The following CFAP299 variants were observed in gnomAD, a reference collection of about 807,000 sequenced individuals.
CFAP299 encodes cilia and flagella associated protein 299, also known as cilia- and flagella-associated protein 299.
In CFAP299, 21 loss-of-function variants were observed where a neutral mutation model predicts 27.0. The ratio of observed to expected loss-of-function variants is 0.78; its 90% confidence interval spans 0.55 to 1.12. The LOEUF is 1.12. Ranked by LOEUF, CFAP299 falls within the 50% of genes most tolerant of loss-of-function variation. The pLI is 0.00. For missense variants in CFAP299, 310 were observed against 276.6 expected, an observed-to-expected ratio of 1.12 and a Z score of -0.86; for synonymous variants, 104 against 98.1, an observed-to-expected ratio of 1.06 and a Z score of -0.36.
At chr4:80,456,520 GA>G (rs909039891) in intron 2 of CFAP299, among the ~76,000 whole-genome samples, 5 of 152,238 alleles carry the variant, frequency 3.3e-5, no homozygotes, top group African/African-American at 1.2e-4. Flanking sequence ...AGAACAGGAA[GA>G]ATTTTCTGAT....
chr4:80,646,984 AGAGAGTGTGTGTGTGT>A lies in CFAP299; in HGVS notation c.333+63803_333+63818del, dbSNP rs1178475958. The stretch of plus-strand genomic sequence containing the variant: ...CCAATTCTTTGAGAGAGAGAGAGAG[AGAGAGTGTGTGTGTGT>A]GTGTGTGTGTGTGTGTGTATTTTAA... On this transcript the variant is annotated intron_variant, in intron 3 of 5. Transcript: ENST00000358105. Among the ~76,000 whole-genome samples the A allele has an allele frequency of 7.9e-4, 115 of 145,022 alleles. 3 individuals carry two copies. The highest frequency in any genetic ancestry group is 1.5e-3 in the Non-Finnish European group (100 of 65,902).
rs1735412088 is a variant in CFAP299 at position 80,568,281 on chromosome 4, T to A, written c.243-14812T>A. Among the ~76,000 whole-genome samples the A allele has an allele frequency of 2.6e-5, 4 of 152,156 alleles. No individual in the cohort carries two copies. The South Asian group carries it at 8.3e-4, about 32-fold the overall frequency. On this transcript the variant is annotated intron_variant, in intron 2 of 5. Transcript: ENST00000358105. ...GAAGCTTCTACATCAAAATTTAAAC[T>A]TAGAATTGAATAAGTTGTGATTAGA...
intron 2 of CFAP299, among the ~76,000 whole-genome samples, chr4:80,544,012 A>G (rs1379610197): frequency 2.0e-5 from 3 of 152,238 alleles, no homozygotes; most frequent in African/African-American, 7.2e-5. Flanking sequence ...ATGTTTCAGT[A>G]GAAACATTAC....
chr4:80,743,429 T>G (rs1724399216), intron 3 of CFAP299, among the ~76,000 whole-genome samples: 1 of 152,094 alleles, frequency 6.6e-6, no homozygotes, highest in Non-Finnish European at 1.5e-5. Flanking sequence ...GCTTTTGACA[T>G]CTGATAAAAT....
chr4:80,534,376 A>G (rs1733626376), intron 2 of CFAP299, among the ~76,000 whole-genome samples: 1 of 150,886 alleles, frequency 6.6e-6, no homozygotes, highest in South Asian at 2.1e-4. Context: ...TGTAAAGTTT[A>G]GATAACTTTT....
chr4:80,385,930 T>C (rs1385674204), intron 2 of CFAP299, among the ~76,000 whole-genome samples: 1 of 152,216 alleles, frequency 6.6e-6, no homozygotes, highest in African/African-American at 2.4e-5. Flanking sequence ...ATCTCTCTCT[T>C]GCCGTGGCTC....
intron 4 of CFAP299, among the ~76,000 whole-genome samples, chr4:80,935,128 G>A (rs1407932844): frequency 3.3e-5 from 5 of 151,864 alleles, no homozygotes; most frequent in Admixed American, 3.3e-4. Flanking sequence ...TCCTTGACCT[G>A]TTGGTTGGTT....
chr4:80,629,088 G>A (rs555487074), intron 3 of CFAP299, among the ~76,000 whole-genome samples: 7 of 152,212 alleles, frequency 4.6e-5, no homozygotes, highest in Non-Finnish European at 7.4e-5. Context: ...TACTGAATGA[G>A]TGGATTAAAA....
chr4:80,472,716 T>C (rs1578484337), intron 2 of CFAP299, among the ~76,000 whole-genome samples: 1 of 152,148 alleles, frequency 6.6e-6, no homozygotes, highest in East Asian at 1.9e-4. Flanking sequence ...TTTTCACTTA[T>C]CACCCTCCCC....
chr4:80,688,333 C>A (rs1720374450), intron 3 of CFAP299, among the ~76,000 whole-genome samples: 1 of 152,160 alleles, frequency 6.6e-6, no homozygotes, highest in African/African-American at 2.4e-5. Flanking sequence ...CAGCATGCAG[C>A]TGGAGATCTG....
At chr4:80,623,305 C>G (rs954140366) in intron 3 of CFAP299, among the ~76,000 whole-genome samples, 11 of 151,844 alleles carry the variant, frequency 7.2e-5, no homozygotes, top group African/African-American at 2.7e-4. Context: ...AAGAATATGT[C>G]CAAGATAAAA....
intron 2 of CFAP299, among the ~76,000 whole-genome samples, chr4:80,481,585 T>C (rs1006737067): frequency 3.3e-5 from 5 of 152,062 alleles, no homozygotes; most frequent in African/African-American, 1.2e-4. Context: ...CAAATGCTGA[T>C]AAAATTTTAA....
At chr4:80,621,069 T>C (rs1023653532) in intron 3 of CFAP299, among the ~76,000 whole-genome samples, 1 of 152,098 alleles carries the variant, frequency 6.6e-6, no homozygotes, top group Non-Finnish European at 1.5e-5. Context: ...CTATCATTAA[T>C]AGATTCCCAG....
Position 80,891,308 on chromosome 4 carries a change from T to G in CFAP299, c.476+21173T>G, listed in dbSNP as rs190979834. ...AGCCAGTTTTCCCAGCACCATTTAT[T>G]AAATAGGGAATCCTTTCCCCATTGC... On this transcript the variant is annotated intron_variant, in intron 4 of 5. Transcript: ENST00000358105. Among the ~76,000 whole-genome samples the G allele has an allele frequency of 2.6e-5, 4 of 151,560 alleles. No individual in the cohort carries two copies. In the East Asian group the frequency reaches 7.9e-4, roughly 30 times the overall value.
At chr4:80,728,226 T>C (rs538826282) in intron 3 of CFAP299, among the ~76,000 whole-genome samples, 60 of 152,102 alleles carry the variant, frequency 3.9e-4, no homozygotes, top group Non-Finnish European at 6.9e-4. Flanking sequence ...TCAAAACTTA[T>C]AGAATATTCT....
chr4:80,754,555 CT>C (rs5859735), intron 3 of CFAP299, among the ~76,000 whole-genome samples: 29,982 of 147,236 alleles, frequency 0.2, 3,504 homozygotes, highest in East Asian at 0.36. Flanking sequence ...ATGGATCTGG[CT>C]TTTTTTTTTT....
intron 2 of CFAP299, among the ~76,000 whole-genome samples, chr4:80,467,875 G>T (rs375384207): frequency 1.3e-5 from 2 of 152,178 alleles, no homozygotes; most frequent in East Asian, 3.9e-4. Context: ...AGAAGAGAGA[G>T]CAAAGAGGGA....
intron 2 of CFAP299, among the ~76,000 whole-genome samples, chr4:80,481,167 G>C (rs953704774): frequency 1.3e-5 from 2 of 151,904 alleles, no homozygotes; most frequent in Non-Finnish European, 2.9e-5. Flanking sequence ...TTAGGTCTGA[G>C]CAGTAAAGGC....
At chr4:80,473,013 G>A (rs189814939) in intron 2 of CFAP299, among the ~76,000 whole-genome samples, 401 of 152,232 alleles carry the variant, frequency 2.6e-3, no homozygotes, top group South Asian at 0.018. Flanking sequence ...GGGGCTTTGT[G>A]ACAGAACCAT....
Sources: allele counts gnomAD v4.1 joint callset (sites outside exome capture counted in the v4.1 genomes callset), GRCh38; gene constraint gnomAD v4.1.1; transcripts MANE v1.5; gene names NCBI Gene and HGNC (gene_info 2026-07-23, HGNC 2026-07-21).